Variants in VWC2L observed in about 807,000 individuals in gnomAD.
VWC2L encodes the protein von Willebrand factor C domain-containing protein 2-like.
A neutral mutation model predicts 21.6 loss-of-function variants in VWC2L; 10 were observed. The observed-to-expected ratio is 0.46, with a 90% CI of 0.29 to 0.78. VWC2L has a LOEUF of 0.78. Ranked by LOEUF, VWC2L falls within the 30% of genes least tolerant of loss-of-function variation. The pLI, the probability that VWC2L is intolerant of heterozygous loss-of-function variation, is 0.10. For missense variants in VWC2L, 209 were observed against 277.1 expected (o/e 0.75, Z 1.74); for synonymous variants, 96 against 94.3 (o/e 1.02, Z -0.10).
At chr2:214,430,325 A>C (rs78016496) in intron 2 of VWC2L, among the ~76,000 whole-genome samples, 1,728 of 152,258 alleles carry the variant, frequency 0.011, 38 homozygotes, top group African/African-American at 0.039. Flanking sequence ...CAAAGATTAA[A>C]TCCAGTGGCT....
At chr2:214,542,588 G>A (rs1689644952) in intron 3 of VWC2L, among the ~76,000 whole-genome samples, 1 of 152,190 alleles carries the variant, frequency 6.6e-6, no homozygotes, top group South Asian at 2.1e-4. Context: ...TCCTATTTTA[G>A]CTACTGTCCA....
intron 3 of VWC2L, among the ~76,000 whole-genome samples, chr2:214,554,088 C>T (rs560175597): frequency 5.3e-5 from 8 of 152,156 alleles, no homozygotes; most frequent in African/African-American, 9.6e-5. Flanking sequence ...CTCACCACTA[C>T]CATCCTGAGT....
intron 3 of VWC2L, among the ~76,000 whole-genome samples, chr2:214,470,508 G>T (rs984848841): frequency 6.6e-6 from 1 of 151,996 alleles, no homozygotes; most frequent in African/African-American, 2.4e-5. Context: ...GGTTATTTTT[G>T]ATTTTGCAAG....
intron 3 of VWC2L, among the ~76,000 whole-genome samples, chr2:214,524,820 C>A (rs995183770): frequency 6.6e-6 from 1 of 151,992 alleles, no homozygotes; most frequent in African/African-American, 2.4e-5. Flanking sequence ...ACTATCACAC[C>A]AAATATATTG....
chr2:214,526,640 G>A (rs1489276191), intron 3 of VWC2L, among the ~76,000 whole-genome samples: 1 of 152,126 alleles, frequency 6.6e-6, no homozygotes, highest in African/African-American at 2.4e-5. Flanking sequence ...CTTCCTATTG[G>A]TTTCTCTTCT....
chr2:214,472,012 C>T (rs1330321923), intron 3 of VWC2L: 2 of 152,144 alleles, frequency 1.3e-5, no homozygotes, highest in South Asian at 2.1e-4. Context: ...CTGCATTTCT[C>T]TTAATGATTG....
intron 3 of VWC2L, among the ~76,000 whole-genome samples, chr2:214,512,548 T>C (rs1026725640): frequency 2.2e-4 from 34 of 152,008 alleles, no homozygotes; most frequent in African/African-American, 8.0e-4. Context: ...CCTGTACATA[T>C]ACCCCTGAAC....
In VWC2L at chr2:214,518,165, C is replaced by CA. The variant is rs34081032; in HGVS notation, c.521-57494dup. Among the ~76,000 whole-genome samples, 1,441 of 144,400 alleles carry CA rather than the reference C, an allele frequency of 1.0e-2. 23 individuals carry two copies. Among genetic ancestry groups the CA allele is most frequent in the African/African-American group, 0.035 (1,348 of 38,682 alleles). The allele number at this position is 144,400 out of a possible 152,430, so 94.7% of individuals were successfully genotyped here. A position where few individuals can be genotyped will look rare whatever the true frequency, so the allele number is the denominator to read the frequency against. The stretch of plus-strand genomic sequence containing the variant: ...TGGATGACAGAGCAAGACTCTGTCT[C>CA]AAAAAAAAAAAAATGAATTAGTACT... On this transcript the variant is annotated intron_variant, in intron 3 of 3. Coordinates refer to ENST00000312504, the MANE Select transcript of VWC2L (RefSeq NM_001080500.4).
At chr2:214,418,636 C>T (rs1453950516) in intron 2 of VWC2L, among the ~76,000 whole-genome samples, 1 of 152,128 alleles carries the variant, frequency 6.6e-6, no homozygotes, top group South Asian at 2.1e-4. Flanking sequence ...ACCGTGTGAG[C>T]TATGTAACAG....
intron 3 of VWC2L, among the ~76,000 whole-genome samples, chr2:214,556,211 G>C (rs977496298): frequency 6.6e-6 from 1 of 152,186 alleles, no homozygotes; most frequent in East Asian, 1.9e-4. Flanking sequence ...AATGAACCGA[G>C]ACTGTGCCAC....
In VWC2L at chr2:214,414,211, T is replaced by C. The variant is rs115907662; in HGVS notation, c.18T>C (p.His6=). MALHI[H]EACILLLVIP... ...AGAGGGGGATGGCTCTTCATATTCA[T>C]GAAGCTTGCATACTTCTGTTGGTCA... The change falls in exon 2 of 4, where the codon CAT becomes CAC. Residue 6 remains histidine (H), a synonymous_variant. Transcript: ENST00000312504. The C allele has an allele frequency of 3.8e-5, 61 of 1,611,936 alleles. No individual in the cohort carries two copies. Among genetic ancestry groups the C allele is most frequent in the Non-Finnish European group, 4.8e-5 (57 of 1,179,400 alleles).
intron 3 of VWC2L, among the ~76,000 whole-genome samples, chr2:214,556,795 A>G (rs1325988550): frequency 6.6e-6 from 1 of 152,188 alleles, no homozygotes; most frequent in Non-Finnish European, 1.5e-5. Context: ...CCTCCAGTTT[A>G]ACTCCTTAGT....
intron 3 of VWC2L, among the ~76,000 whole-genome samples, chr2:214,566,744 T>C (rs565221801): frequency 4.6e-5 from 7 of 152,314 alleles, no homozygotes; most frequent in South Asian, 4.1e-4. Context: ...CAGAGCATGA[T>C]ACTAGAAGGT....
chr2:214,499,638 A>T (rs2126205273), intron 3 of VWC2L, among the ~76,000 whole-genome samples: 1 of 152,288 alleles, frequency 6.6e-6, no homozygotes, highest in Non-Finnish European at 1.5e-5. Context: ...TGTACCTAGA[A>T]CTTAAAGTAT....
intron 3 of VWC2L, among the ~76,000 whole-genome samples, chr2:214,539,732 C>T (rs566426970): frequency 1.8e-4 from 27 of 152,204 alleles, no homozygotes; most frequent in East Asian, 7.7e-4. Context: ...AACAAAGACA[C>T]GAACTTTCCT....
At chr2:214,529,004 G>A (rs1689388666) in intron 3 of VWC2L, among the ~76,000 whole-genome samples, 1 of 152,120 alleles carries the variant, frequency 6.6e-6, no homozygotes, top group Non-Finnish European at 1.5e-5. Flanking sequence ...TTGACCCAAT[G>A]TTAGCAGGTA....
intron 3 of VWC2L, among the ~76,000 whole-genome samples, chr2:214,521,643 A>G (rs1488273968): frequency 6.6e-6 from 1 of 152,244 alleles, no homozygotes; most frequent in South Asian, 2.1e-4. Context: ...TCAGGGAGGT[A>G]AATGTGAGGT....
At chr2:214,426,773 G>T (rs1436885282) in intron 2 of VWC2L, among the ~76,000 whole-genome samples, 1 of 152,222 alleles carries the variant, frequency 6.6e-6, no homozygotes, top group Non-Finnish European at 1.5e-5. Flanking sequence ...ATGTGGTAGA[G>T]ATAGTGTAGT....
At chr2:214,530,977 G>C (rs867957192) in intron 3 of VWC2L, among the ~76,000 whole-genome samples, 1 of 152,146 alleles carries the variant, frequency 6.6e-6, no homozygotes, top group African/African-American at 2.4e-5. Context: ...TCAACAATGG[G>C]GGTGGTTTAA....
Sources: allele counts gnomAD v4.1 joint callset (sites outside exome capture counted in the v4.1 genomes callset), GRCh38; gene constraint gnomAD v4.1.1; transcripts MANE v1.5; gene names NCBI Gene and HGNC (gene_info 2026-07-23, HGNC 2026-07-21).